SOX6: variants seen among roughly 807,000 people sequenced by gnomAD.
The protein encoded by SOX6 is SRY-box transcription factor 6.
Under a neutral mutation model 97.8 loss-of-function variants are expected in SOX6, and 11 were observed. The ratio of observed to expected loss-of-function variants is 0.11; its 90% CI spans 0.07 to 0.19. The LOEUF is 0.19. Among genes scored for constraint, SOX6 ranks in the 10% least tolerant of loss-of-function variants. SOX6 has a pLI of 1.00. For synonymous variants in SOX6, 360 were observed against 371.4 expected, an observed-to-expected ratio of 0.97 and a Z score of 0.35; for missense variants, 810 against 1,039.5, an observed-to-expected ratio of 0.78 and a Z score of 3.04.
intron 3 of SOX6, among the ~76,000 whole-genome samples, chr11:16,679,327 G>T (rs1847908425): frequency 6.6e-6 from 1 of 152,200 alleles, no homozygotes; most frequent in Non-Finnish European, 1.5e-5. Flanking sequence ...GGCAAACAGG[G>T]TCTGAAGTGG....
At chr11:16,058,559 A>C (rs142933726) in intron 9 of SOX6, among the ~76,000 whole-genome samples, 47 of 152,186 alleles carry the variant, frequency 3.1e-4, no homozygotes, top group Middle Eastern at 3.4e-3. Context: ...TTCATTGGGA[A>C]ATCACAAATA....
chr11:16,142,553 T>C (rs1253942293), intron 6 of SOX6, among the ~76,000 whole-genome samples: 1 of 152,104 alleles, frequency 6.6e-6, no homozygotes, highest in Non-Finnish European at 1.5e-5. Flanking sequence ...CAAACTTCTC[T>C]GAGCTAAAGG....
chr11:16,278,662 A>G (rs555635070), intron 3 of SOX6, among the ~76,000 whole-genome samples: 1 of 152,196 alleles, frequency 6.6e-6, no homozygotes, highest in South Asian at 2.1e-4. Context: ...AAGAAATTAG[A>G]TAGTGAAAGA....
intron 6 of SOX6, among the ~76,000 whole-genome samples, chr11:16,157,077 T>C (rs1191185677): frequency 6.6e-6 from 1 of 152,030 alleles, no homozygotes; most frequent in Admixed American, 6.6e-5. Flanking sequence ...AGGTGTCAAC[T>C]GTCAACCAAT....
intron 9 of SOX6, among the ~76,000 whole-genome samples, chr11:16,060,116 T>C (rs985378931): frequency 5.3e-5 from 8 of 151,978 alleles, no homozygotes; most frequent in African/African-American, 1.9e-4. Context: ...TTTGGGAAAC[T>C]TGAACTAGTG....
chr11:16,290,623 C>T (rs1443661902), intron 3 of SOX6, among the ~76,000 whole-genome samples: 1 of 152,002 alleles, frequency 6.6e-6, no homozygotes, highest in Non-Finnish European at 1.5e-5. Context: ...ATTCAATATG[C>T]CAAGTGTTCT....
chr11:16,431,531 T>C (rs1292390529), intron 1 of SOX6, among the ~76,000 whole-genome samples: 3 of 152,084 alleles, frequency 2.0e-5, no homozygotes, highest in Non-Finnish European at 4.4e-5. Context: ...GGCCAAACTA[T>C]AATTAAGACG....
At chr11:16,573,099 A>G (rs1259858855) in intron 4 of SOX6, among the ~76,000 whole-genome samples, 3 of 152,208 alleles carry the variant, frequency 2.0e-5, no homozygotes, top group Admixed American at 6.5e-5. Context: ...TCCTGAAAGA[A>G]CAGCACTAAT....
At chr11:16,113,358 A>T (rs1165718316) in intron 6 of SOX6, among the ~76,000 whole-genome samples, 1 of 152,244 alleles carries the variant, frequency 6.6e-6, no homozygotes, top group Non-Finnish European at 1.5e-5. Flanking sequence ...CATGAAAGAA[A>T]CTAGCTTTGA....
chr11:15,974,238 T>C (rs1853396886), intron 15 of SOX6, among the ~76,000 whole-genome samples: 1 of 152,108 alleles, frequency 6.6e-6, no homozygotes, highest in Admixed American at 6.5e-5. Flanking sequence ...CAATTATCAC[T>C]TGGACAATTC....
chr11:16,137,682 T>G (rs1329893993), intron 6 of SOX6, among the ~76,000 whole-genome samples: 1 of 152,170 alleles, frequency 6.6e-6, no homozygotes, highest in South Asian at 2.1e-4. Flanking sequence ...TGACAAAATG[T>G]CTGATATGGT....
At chr11:16,472,671 C>G (rs1211258946) in intron 1 of SOX6, among the ~76,000 whole-genome samples, 2 of 151,970 alleles carry the variant, frequency 1.3e-5, no homozygotes, top group Non-Finnish European at 2.9e-5. Flanking sequence ...ACATGAACAT[C>G]TATTTTTTTA....
chr11:16,590,605 C>A lies in SOX6; in HGVS notation n.609+21476G>T, dbSNP rs865957427. On this transcript the variant is annotated intron_variant and non_coding_transcript_variant, in intron 4 of 5. Coordinates refer to the SOX6 transcript ENST00000524520. ...TGTGGTACATATTCACAATGGAGTA[C>A]TATTTAGCCACAAAAAGAATGAGAT... Among the ~76,000 whole-genome samples, 7 of 152,074 alleles carry A rather than the reference C, an allele frequency of 4.6e-5. No homozygotes were observed. In the South Asian group the frequency reaches 1.5e-3, roughly 32 times the overall value.
chr11:16,055,987 T>A lies in SOX6; in HGVS notation c.1102-86A>T, dbSNP rs988735312. On this transcript the variant is annotated intron_variant, in intron 9 of 15. Coordinates refer to ENST00000683767, the MANE Select transcript of SOX6 (RefSeq NM_001367873.1). Reference sequence around the variant, plus strand: ...AGAAAAAACTTACCATATTGTTAGATTTCTCAGACAGCCTTGTAATTTCTT... The same window carrying A: ...AGAAAAAACTTACCATATTGTTAGAATTCTCAGACAGCCTTGTAATTTCTT... 22 of 1,429,588 alleles carry A rather than the reference T, an allele frequency of 1.5e-5. No homozygotes were observed. In the South Asian group the frequency reaches 2.6e-4, roughly 17 times the overall value. 88.6% of individuals were successfully genotyped at this position (1,429,588 alleles called of 1,614,324 possible).
At chr11:15,982,112 T>G (rs1853672640) in intron 15 of SOX6, among the ~76,000 whole-genome samples, 1 of 151,936 alleles carries the variant, frequency 6.6e-6, no homozygotes. Flanking sequence ...ACTCCAGAAT[T>G]GATGCTCTTA....
At chr11:16,119,907 T>A (rs1849446333) in intron 6 of SOX6, among the ~76,000 whole-genome samples, 1 of 152,164 alleles carries the variant, frequency 6.6e-6, no homozygotes, top group African/African-American at 2.4e-5. Context: ...AACAGGAGAA[T>A]ACTAGAATCC....
At chr11:16,536,027 T>C (rs1161890295) in intron 4 of SOX6, among the ~76,000 whole-genome samples, 1 of 152,226 alleles carries the variant, frequency 6.6e-6, no homozygotes, top group East Asian at 1.9e-4. Context: ...TCCATCTTGC[T>C]AGGACATTGT....
intron 3 of SOX6, among the ~76,000 whole-genome samples, chr11:16,650,088 G>A (rs1847624321): frequency 6.6e-6 from 1 of 151,954 alleles, no homozygotes; most frequent in Admixed American, 6.6e-5. Flanking sequence ...AATATCACAA[G>A]CCTAAATACA....
intron 3 of SOX6, among the ~76,000 whole-genome samples, chr11:16,250,632 A>G (rs562804935): frequency 2.6e-5 from 4 of 152,198 alleles, no homozygotes; most frequent in East Asian, 3.9e-4. Flanking sequence ...AAAGAAAAGT[A>G]TCACATAATA....
Sources: gnomAD v4.1 joint callset for allele counts (sites outside exome capture counted in the v4.1 genomes callset) on GRCh38, gnomAD v4.1.1 for gene constraint, MANE v1.5 for transcripts, NCBI Gene and HGNC (gene_info 2026-07-23, HGNC 2026-07-21) for gene names.